TNIP1: variants seen among roughly 807,000 people sequenced by gnomAD.
TNIP1 encodes the protein TNFAIP3 interacting protein 1, also known as TNFAIP3-interacting protein 1.
A neutral mutation model predicts 86.6 loss-of-function variants in TNIP1; 22 were observed. The ratio of observed to expected loss-of-function variants is 0.25; its 90% confidence interval spans 0.18 to 0.36. The LOEUF (loss-of-function observed/expected upper bound fraction) is 0.36. TNIP1 is among the 10% of genes least tolerant of loss of function. TNIP1 has a pLI of 1.00. For synonymous variants in TNIP1, 294 were observed against 313.0 expected (o/e 0.94, Z 0.64); for missense variants, 709 against 820.6 (o/e 0.86, Z 1.66).
intron 5 of TNIP1, among the ~76,000 whole-genome samples, chr5:151,059,828 A>AGAGAGAGAGAGAGTGT (rs1554076446): frequency 4.3e-4 from 24 of 56,372 alleles, no homozygotes; most frequent in Admixed American, 6.3e-4. Context: ...AGAGAGAGAG[A>AGAGAGAGAGAGAGTGT]GTGTGTGTGT....
chr5:151,066,084 A>G (rs549278823), intron 1 of TNIP1, among the ~76,000 whole-genome samples: 1 of 152,348 alleles, frequency 6.6e-6, no homozygotes, highest in African/African-American at 2.4e-5. Flanking sequence ...TTATCAGCAA[A>G]TAAAACAGAC....
intron 6 of TNIP1, 133 bp from the exon 7 acceptor site, chr5:151,052,392 C>T (rs1272984264): frequency 1.4e-6 from 1 of 710,338 alleles, no homozygotes; most frequent in Non-Finnish European, 2.4e-6. Flanking sequence ...TGGCCTCACC[C>T]CATCCCTCTC....
At chr5:151,083,300 A>G (rs973992343), upstream of TNIP1, among the ~76,000 whole-genome samples, 1 of 152,230 alleles carries the variant, frequency 6.6e-6, no homozygotes, top group Non-Finnish European at 1.5e-5. Flanking sequence ...AAGGCTCAGC[A>G]CACAGTAGGC....
At chr5:151,033,426 TG>T in intron 16 of TNIP1, 181 bp downstream of exon 16, 1 of 443,072 alleles carries the variant, frequency 2.3e-6, no homozygotes, top group Non-Finnish European at 4.1e-6. Context: ...TGCGGGACTG[TG>T]GCCAGATCCC....
chr5:151,048,729 G>A (rs1171349488), intron 8 of TNIP1, among the ~76,000 whole-genome samples: 1 of 152,124 alleles, frequency 6.6e-6, no homozygotes, highest in African/African-American at 2.4e-5. Flanking sequence ...GAACAGCCGA[G>A]TCTACAAGTC....
At position 151,071,853 on chromosome 5, in the gene TNIP1, G is replaced by A. The variant is rs145873178; in HGVS notation, c.-36-6722C>T. Reference sequence around the variant, plus strand: ...CCGAGGCCCAGATTACACACCACCCGCTAAACACCTGAGCCAGAATTCACA... The same window carrying A: ...CCGAGGCCCAGATTACACACCACCCACTAAACACCTGAGCCAGAATTCACA... On this transcript the variant is annotated intron_variant, in intron 1 of 17. Transcript: ENST00000521591. 1.9e-3 allele frequency among the ~76,000 whole-genome samples: 296 copies of A among 152,228 alleles called. 1 individual carries two copies. The highest frequency in any genetic ancestry group is 3.5e-3 in the Non-Finnish European group (236 of 68,018).
At chr5:151,053,937 G>C (rs1219851052) in intron 6 of TNIP1, among the ~76,000 whole-genome samples, 2 of 152,198 alleles carry the variant, frequency 1.3e-5, no homozygotes, top group Admixed American at 1.3e-4. Flanking sequence ...CCAAAGGAGG[G>C]GACAGCCTTT....
At chr5:151,044,942 C>T (rs1758944943) in intron 9 of TNIP1, among the ~76,000 whole-genome samples, 1 of 152,202 alleles carries the variant, frequency 6.6e-6, no homozygotes, top group African/African-American at 2.4e-5. Context: ...TACCTAAAGA[C>T]CTGGCCATCG....
intron 1 of TNIP1, among the ~76,000 whole-genome samples, chr5:151,066,022 T>C (rs1762178270): frequency 6.6e-6 from 1 of 152,200 alleles, no homozygotes. Flanking sequence ...CATTCAACAA[T>C]TACTTATTGA....
intron 1 of TNIP1, among the ~76,000 whole-genome samples, chr5:151,086,187 C>T (rs1764271123): frequency 6.6e-6 from 1 of 152,142 alleles, no homozygotes; most frequent in African/African-American, 2.4e-5. Flanking sequence ...CCAATCAGAC[C>T]CGCTTCCTGC....
Position 151,061,252 on chromosome 5 carries a change from G to A in TNIP1, c.358-857C>T, listed in dbSNP as rs1237135123. Reference sequence around the variant, plus strand: ...TCCCAGAAAGGGGCAGGATAGATGAGAGGAGTCAGTGCTCAGCTTCCAGCT... The same window carrying A: ...TCCCAGAAAGGGGCAGGATAGATGAAAGGAGTCAGTGCTCAGCTTCCAGCT... On this transcript the variant is annotated intron_variant, in intron 4 of 17. Coordinates refer to ENST00000521591, the MANE Select transcript of TNIP1 (RefSeq NM_006058.5). Among the ~76,000 whole-genome samples, 3 of 152,238 alleles carry A rather than the reference G, an allele frequency of 2.0e-5. No individual in the cohort carries two copies. In the East Asian group the frequency reaches 5.8e-4, roughly 29 times the overall value.
At chr5:151,056,393 C>A (rs886293241) in intron 6 of TNIP1, among the ~76,000 whole-genome samples, 2 of 152,182 alleles carry the variant, frequency 1.3e-5, no homozygotes, top group Non-Finnish European at 2.9e-5. Context: ...TGCTTCCCCA[C>A]CTGTGAAGTG....
Position 151,042,710 on chromosome 5 carries a change from T to C in TNIP1, c.1003-39A>G, listed in dbSNP as rs567191023. On this transcript the variant is annotated intron_variant, in intron 10 of 17. Coordinates refer to ENST00000521591, the MANE Select transcript of TNIP1 (RefSeq NM_006058.5). ...CAGAGAGGAGTGTGTGAGGCAAGGA[T>C]GTAGAGCACTTGCAGGATGTGGGCA... The C allele has an allele frequency of 8.5e-5, 137 of 1,611,444 alleles. No individual in the cohort carries two copies. In the East Asian group the frequency reaches 3.0e-3, roughly 35 times the overall value.
At position 151,035,625 on chromosome 5, in the gene TNIP1, T is replaced by C. The variant is rs1168009730; in HGVS notation, c.1478A>G (p.Gln493Arg). Reference protein sequence around the residue: ...MNEEKEELKKQVEKLQAQVTL... With the variant: ...MNEEKEELKKRVEKLQAQVTL... ...GACCTGGGCCTGCAGCTTCTCCACT[T>C]GCTTCTTCAGCTCTTCCTTCTCCTC... Residue 493 changes from glutamine (Q) to arginine (R), a missense_variant, in exon 14 of 18, where the codon CAA (glutamine) becomes CGA (arginine). Transcript: ENST00000521591. 2 of 1,614,064 alleles carry C rather than the reference T, an allele frequency of 1.2e-6. No individual in the cohort carries two copies. The highest frequency in any genetic ancestry group is 2.7e-5 in the African/African-American group (2 of 74,948).
At chr5:151,075,767 C>A (rs1390166972) in intron 1 of TNIP1, among the ~76,000 whole-genome samples, 1 of 152,242 alleles carries the variant, frequency 6.6e-6, no homozygotes, top group Non-Finnish European at 1.5e-5. Context: ...AGGCAAAGGA[C>A]AAGTGGCCTG....
In TNIP1 at chr5:151,036,891, G is replaced by C; in HGVS notation, c.1294C>G (p.Pro432Ala). 1 of 1,612,024 alleles carries C rather than the reference G, an allele frequency of 6.2e-7. No individual in the cohort carries two copies. The highest frequency in any genetic ancestry group is 8.5e-7 in the Non-Finnish European group (1 of 1,178,928). The change falls in exon 13 of 18, where the codon CCG (proline) becomes GCG (alanine). Residue 432 changes from proline to alanine, a missense_variant. Coordinates refer to ENST00000521591, the MANE Select transcript of TNIP1 (RefSeq NM_006058.5). ...ALEEALSIQT[P>A]PSSPPTAFGS... ...AATGCTGTTGGTGGAGATGATGGCG[G>C]GGTTTGGATGCTCAGTGCTTCCTCC...
At chr5:151,082,258 G>C (rs1273182984), upstream of TNIP1, among the ~76,000 whole-genome samples, 3 of 152,084 alleles carry the variant, frequency 2.0e-5, no homozygotes, top group African/African-American at 7.2e-5. Flanking sequence ...TTAATTCAAC[G>C]GTGTTATCAG....
chr5:151,086,725 C>A (rs73799430), intron 1 of TNIP1, among the ~76,000 whole-genome samples: 2,794 of 152,324 alleles, frequency 0.018, 91 homozygotes, highest in African/African-American at 0.064. Context: ...TGCATACCTC[C>A]CTTTTCTTGA....
intron 8 of TNIP1, 69 bp downstream of exon 8, chr5:151,049,750 GTCACT>G (rs1759657974): frequency 2.6e-6 from 4 of 1,561,694 alleles, no homozygotes; most frequent in Non-Finnish European, 2.6e-6. Context: ...GAGGCTCACT[GTCACT>G]GGAGGTGGTA....
Sources: allele counts gnomAD v4.1 joint callset (sites outside exome capture counted in the v4.1 genomes callset), GRCh38; gene constraint gnomAD v4.1.1; transcripts MANE v1.5; gene names NCBI Gene and HGNC (gene_info 2026-07-23, HGNC 2026-07-21).